The following PCDHGA1 variants were observed in gnomAD, a reference collection of about 807,000 sequenced individuals.
PCDHGA1 encodes protocadherin gamma-A1.
Under a neutral mutation model 58.0 loss-of-function variants are expected in PCDHGA1, and 32 were observed. That is an observed-to-expected ratio of 0.55 (90% confidence interval 0.42 to 0.74). The LOEUF (loss-of-function observed/expected upper bound fraction) is 0.74, where lower values mean the gene tolerates loss of function less well. Ranked by LOEUF, PCDHGA1 falls within the 30% of genes least tolerant of loss-of-function variation. The probability of loss-of-function intolerance (pLI) is 0.00; values close to 1 mark genes in which losing one functional copy is unlikely to be tolerated. For missense variants in PCDHGA1, 1,205 were observed against 1,182.3 expected (o/e 1.02, Z -0.28); for synonymous variants, 498 against 501.1 (o/e 0.99, Z 0.08).
At chr5:141,447,650 T>TC (rs1036312126) in intron 1 of PCDHGA1, among the ~76,000 whole-genome samples, 5 of 151,988 alleles carry the variant, frequency 3.3e-5, no homozygotes, top group Non-Finnish European at 5.9e-5. Context: ...GGTAGAATTT[T>TC]CCCCCCCAGG....
intron 1 of PCDHGA1, chr5:141,415,752 T>C: frequency 7.3e-7 from 1 of 1,372,622 alleles, no homozygotes; most frequent in Non-Finnish European, 9.4e-7. Flanking sequence ...TTTTTTTTTT[T>C]TTTTTTTTTT....
At chr5:141,376,467 A>C in intron 1 of PCDHGA1, 3 of 1,614,180 alleles carry the variant, frequency 1.9e-6, no homozygotes, top group Non-Finnish European at 2.5e-6. Flanking sequence ...CTGATAACTC[A>C]GGATTTACTT....
chr5:141,355,169 C>A (rs753158485), intron 1 of PCDHGA1: 1 of 1,568,854 alleles, frequency 6.4e-7, no homozygotes, highest in Non-Finnish European at 8.6e-7. Flanking sequence ...GAGGGAAAAC[C>A]GAAGCACAGG....
chr5:141,371,208 G>A (rs926435059), intron 1 of PCDHGA1: 2 of 1,613,802 alleles, frequency 1.2e-6, no homozygotes, highest in Admixed American at 1.7e-5. Flanking sequence ...CATGGATGAG[G>A]GCATCAATGC....
At chr5:141,384,614 C>G (rs759348931) in intron 1 of PCDHGA1, 2 of 1,614,222 alleles carry the variant, frequency 1.2e-6, no homozygotes, top group Admixed American at 3.3e-5. Context: ...ACAGATGGTT[C>G]TACTGGCATG....
At chr5:141,358,546 G>A (rs1278401378) in intron 1 of PCDHGA1, among the ~76,000 whole-genome samples, 2 of 152,144 alleles carry the variant, frequency 1.3e-5, no homozygotes, top group Non-Finnish European at 2.9e-5. Context: ...TCTTGTTGCT[G>A]TTCTGAGATG....
intron 1 of PCDHGA1, chr5:141,351,088 T>C: frequency 6.2e-7 from 1 of 1,614,076 alleles, no homozygotes. Flanking sequence ...AGATCACCTA[T>C]GCCTTCCTCA....
intron 1 of PCDHGA1, chr5:141,388,189 G>A: frequency 1.3e-6 from 2 of 1,542,748 alleles, no homozygotes; most frequent in Admixed American, 1.7e-5. Context: ...AAGCCAGCTT[G>A]TGCTCTGGAA....
At chr5:141,399,798 G>T (rs2093890900) in intron 1 of PCDHGA1, 2 of 1,613,118 alleles carry the variant, frequency 1.2e-6, no homozygotes, top group Non-Finnish European at 1.7e-6. Context: ...ACGCACCGCG[G>T]GTGCTGTACC....
intron 1 of PCDHGA1, chr5:141,372,446 T>C: frequency 6.2e-7 from 1 of 1,614,030 alleles, no homozygotes; most frequent in Non-Finnish European, 8.5e-7. Context: ...CCTCTGACCC[T>C]CAGGCGGAGC....
rs1554123924 is a variant in PCDHGA1, at chr5:141,431,826, T to C, written c.2422-62981T>C. 1 of 1,614,220 alleles carries C rather than the reference T, an allele frequency of 6.2e-7. No homozygotes were observed. The highest frequency in any genetic ancestry group is 8.5e-7 in the Non-Finnish European group (1 of 1,180,050). The stretch of plus-strand genomic sequence containing the variant: ...GTCCTCACCTCTCTCGCCAGCTCGG[T>C]TCCCGAAAACTCTCCCAGAGGGACA... On this transcript the variant is annotated intron_variant, in intron 1 of 3. Coordinates refer to ENST00000517417, the MANE Select transcript of PCDHGA1 (RefSeq NM_018912.3). This position sits in a 1 kb window ranked among gnomAD's most constrained non-coding sequence, Gnocchi z 4.8.
intron 1 of PCDHGA1, chr5:141,356,637 T>A (rs1760285285): frequency 6.2e-7 from 1 of 1,614,020 alleles, no homozygotes; most frequent in African/African-American, 1.3e-5. Flanking sequence ...CTCAAGACCC[T>A]GACAGTGGTG....
chr5:141,490,288 G>A lies in PCDHGA1; in HGVS notation c.2422-4519G>A. On this transcript the variant is annotated intron_variant, in intron 1 of 3. Coordinates refer to ENST00000517417, the MANE Select transcript of PCDHGA1 (RefSeq NM_018912.3). The surrounding 1 kb of genome is among the most constrained non-coding windows in gnomAD (Gnocchi z 5.4). ...GGATGTCAATGACAATGCCCCAGAG[G>A]TGCTATTGGCCTCTTTGGCCAACCC... The A allele has an allele frequency of 3.7e-6, 6 of 1,614,198 alleles. No individual in the cohort carries two copies. The highest frequency in any genetic ancestry group is 5.1e-6 in the Non-Finnish European group (6 of 1,180,042).
chr5:141,423,132 C>T (rs375287728), intron 1 of PCDHGA1: 41 of 1,613,540 alleles, frequency 2.5e-5, no homozygotes, highest in Non-Finnish European at 3.3e-5. Flanking sequence ...CACTGCTGGA[C>T]AGAGACGCGC....
At chr5:141,355,413 G>A (rs1220592912) in intron 1 of PCDHGA1, 1 of 1,614,108 alleles carries the variant, frequency 6.2e-7, no homozygotes, top group East Asian at 2.2e-5. Context: ...CCAGAGGTAG[G>A]ACGCAGCTTT....
At position 141,388,118 on chromosome 5, in the gene PCDHGA1, C is replaced by A. The variant is rs771996326; in HGVS notation, c.2421+55013C>A. The A allele has an allele frequency of 1.1e-5, 15 of 1,412,700 alleles. No homozygotes were observed. In the Admixed American group the frequency reaches 3.0e-4, roughly 28 times the overall value. The allele number at this position is 1,412,700 out of a possible 1,614,324, so 87.5% of individuals were successfully genotyped here. A position where few individuals can be genotyped will look rare whatever the true frequency, so the allele number is the denominator to read the frequency against. On this transcript the variant is annotated intron_variant, in intron 1 of 3. Coordinates refer to ENST00000517417, the MANE Select transcript of PCDHGA1 (RefSeq NM_018912.3). ...CGGAGAAGCCTTACTTCACCGTGAG[C>A]GCAGAGAGCGGGGAGTTGCTTGTGA...
At chr5:141,389,288 T>C (rs1434265418) in intron 1 of PCDHGA1, 1 of 1,613,906 alleles carries the variant, frequency 6.2e-7, no homozygotes, top group Admixed American at 1.7e-5. Flanking sequence ...CTGGAGCCTC[T>C]ATTTCACAAG....
chr5:141,441,861 C>T (rs3805696), intron 1 of PCDHGA1: 35,405 of 342,650 alleles, frequency 0.1, 2,215 homozygotes, highest in African/African-American at 0.17. Context: ...TGCTGCACGC[C>T]GCGGAGCCTG....
At chr5:141,370,996 A>G (rs1767388382) in intron 1 of PCDHGA1, 2 of 1,613,886 alleles carry the variant, frequency 1.2e-6, no homozygotes, top group African/African-American at 2.7e-5. Flanking sequence ...GCACCCCTGG[A>G]CAGGGAAGAG....
Sources: gnomAD v4.1 joint callset for allele counts (sites outside exome capture counted in the v4.1 genomes callset) on GRCh38, gnomAD v4.1.1 for gene constraint, Gnocchi (gnomAD v3.1) non-coding constraint, MANE v1.5 for transcripts, NCBI Gene and HGNC (gene_info 2026-07-23, HGNC 2026-07-21) for gene names.